TMEM132D: variants seen among roughly 807,000 people sequenced by gnomAD.
TMEM132D encodes mature OL transmembrane protein.
In TMEM132D, 21 loss-of-function variants were observed where a neutral mutation model predicts 62.3. The ratio of observed to expected loss-of-function variants is 0.34; its 90% CI spans 0.24 to 0.49. TMEM132D has a LOEUF of 0.49. Ranked by LOEUF, TMEM132D falls within the 20% of genes least tolerant of loss-of-function variation. The pLI, the probability that TMEM132D is intolerant of heterozygous loss-of-function variation, is 0.99. For synonymous variants in TMEM132D, 621 were observed against 575.6 expected (o/e 1.08, Z -1.13); for missense variants, 1,346 against 1,402.8 (o/e 0.96, Z 0.65).
intron 3 of TMEM132D, among the ~76,000 whole-genome samples, chr12:129,394,544 G>T (rs1167485394): frequency 6.6e-6 from 1 of 152,182 alleles, no homozygotes; most frequent in Non-Finnish European, 1.5e-5. Flanking sequence ...GTAGAATAAA[G>T]AACTCCCAAA....
intron 1 of TMEM132D, among the ~76,000 whole-genome samples, chr12:129,826,653 G>A (rs779173417): frequency 3.3e-5 from 5 of 152,220 alleles, no homozygotes; most frequent in Non-Finnish European, 7.3e-5. Context: ...CACAGCGGAA[G>A]GCTATTTACC....
chr12:129,083,154 T>A (rs1455288968), intron 6 of TMEM132D, among the ~76,000 whole-genome samples: 1 of 152,232 alleles, frequency 6.6e-6, no homozygotes, highest in Admixed American at 6.5e-5. Context: ...GGTGTGGCTC[T>A]GTAACCCAGC....
chr12:129,151,573 G>A (rs181474405), intron 5 of TMEM132D, among the ~76,000 whole-genome samples: 45 of 152,310 alleles, frequency 3.0e-4, no homozygotes, highest in African/African-American at 1.0e-3. Context: ...ATATGGTCAC[G>A]GCGCGTGTAA....
At chr12:129,138,329 T>C (rs890826053) in intron 5 of TMEM132D, among the ~76,000 whole-genome samples, 3 of 152,236 alleles carry the variant, frequency 2.0e-5, no homozygotes, top group Non-Finnish European at 4.4e-5. Flanking sequence ...ATGTATTGGC[T>C]AGATATGACC....
At chr12:129,337,525 G>C in intron 4 of TMEM132D, 109 bp downstream of exon 4, 1 of 1,352,476 alleles carries the variant, frequency 7.4e-7, no homozygotes, top group Non-Finnish European at 1.0e-6. Context: ...TCACTGTCCT[G>C]ATTCTTGGCT....
chr12:129,776,788 C>CAAAAAAA (rs148740560), intron 1 of TMEM132D, among the ~76,000 whole-genome samples: 2 of 68,448 alleles, frequency 2.9e-5, no homozygotes, highest in African/African-American at 4.3e-5. Flanking sequence ...TAATGGGCTT[C>CAAAAAAA]AAAAAAAAAA....
chr12:129,137,730 G>A (rs930579856), intron 5 of TMEM132D, among the ~76,000 whole-genome samples: 1 of 151,758 alleles, frequency 6.6e-6, no homozygotes, highest in African/African-American at 2.4e-5. Flanking sequence ...TCTGTGGCTG[G>A]AGGCATGATG....
chr12:129,253,389 T>A (rs1467322810), intron 4 of TMEM132D, among the ~76,000 whole-genome samples: 2 of 152,120 alleles, frequency 1.3e-5, no homozygotes, highest in Admixed American at 1.3e-4. Flanking sequence ...ACCCAAAGCC[T>A]GAGCACTATG....
At chr12:129,490,596 A>ATTTTTTTTTTTTTTTTTT (rs35535325) in intron 3 of TMEM132D, among the ~76,000 whole-genome samples, 14 of 71,110 alleles carry the variant, frequency 2.0e-4, no homozygotes, top group African/African-American at 6.5e-4. Flanking sequence ...CGCCCGGCTA[A>ATTTTTTTTTTTTTTTTTT]TTTTTTTTTT....
intron 4 of TMEM132D, among the ~76,000 whole-genome samples, chr12:129,228,026 C>T (rs912478456): frequency 2.6e-5 from 4 of 152,274 alleles, no homozygotes; most frequent in South Asian, 2.1e-4. Context: ...AGGACATCGA[C>T]GCTGTGTACA....
chr12:129,422,127 T>C (rs1318356495), intron 3 of TMEM132D, among the ~76,000 whole-genome samples: 2 of 151,934 alleles, frequency 1.3e-5, no homozygotes, highest in East Asian at 3.9e-4. Flanking sequence ...CTACTTTTCT[T>C]CTCATCTCCT....
intron 3 of TMEM132D, among the ~76,000 whole-genome samples, chr12:129,505,484 C>T (rs1875302489): frequency 6.6e-6 from 1 of 152,094 alleles, no homozygotes; most frequent in Non-Finnish European, 1.5e-5. Context: ...ACCTTGTGAT[C>T]CGCCCACCTC....
intron 2 of TMEM132D, among the ~76,000 whole-genome samples, chr12:129,625,824 T>C (rs1381110141): frequency 6.6e-6 from 1 of 152,236 alleles, no homozygotes; most frequent in Non-Finnish European, 1.5e-5. Context: ...ATTTAAATAA[T>C]GCCCACTCAG....
At position 129,425,406 on chromosome 12, in the gene TMEM132D, C is replaced by CTTTTT. The variant is rs5801854; in HGVS notation, c.1116-87594_1116-87590dup. On this transcript the variant is annotated intron_variant, in intron 3 of 8. Transcript: ENST00000422113. Reference sequence around the variant, plus strand: ...GCTCCTGTTTCCCCAGATGCTTGCACTTTTTTTTTTTTTCTAATCTCTGCT... The same window carrying CTTTTT: ...GCTCCTGTTTCCCCAGATGCTTGCACTTTTTTTTTTTTTTTTTTCTAATCTCTGCT... 8.8e-3 allele frequency among the ~76,000 whole-genome samples: 1,224 copies of CTTTTT among 138,988 alleles called. 31 individuals carry two copies. In the East Asian group the frequency reaches 0.094, roughly 11 times the overall value. The allele number at this position is 138,988 out of a possible 152,430, so 91.2% of individuals were successfully genotyped here.
chr12:129,202,816 G>A (rs1878743115), intron 5 of TMEM132D, among the ~76,000 whole-genome samples: 1 of 152,154 alleles, frequency 6.6e-6, no homozygotes, highest in Non-Finnish European at 1.5e-5. Flanking sequence ...TACACCTCCA[G>A]GGAAAACTTG....
intron 3 of TMEM132D, among the ~76,000 whole-genome samples, chr12:129,513,352 G>A (rs1875550286): frequency 6.6e-6 from 1 of 152,210 alleles, no homozygotes; most frequent in Admixed American, 6.5e-5. Flanking sequence ...CATTGATGAG[G>A]GATCTGCCCC....
intron 4 of TMEM132D, among the ~76,000 whole-genome samples, chr12:129,236,444 G>C (rs1879785015): frequency 6.7e-6 from 1 of 150,084 alleles, no homozygotes; most frequent in Admixed American, 6.6e-5. Flanking sequence ...GAACCTAGGA[G>C]GCGGAGGTTA....
At chr12:129,846,527 C>T (rs1171855068) in intron 1 of TMEM132D, among the ~76,000 whole-genome samples, 4 of 152,234 alleles carry the variant, frequency 2.6e-5, no homozygotes, top group East Asian at 3.9e-4. Context: ...CTTTCTTTTA[C>T]GTTAATTGTC....
At position 129,102,616 on chromosome 12, in the gene TMEM132D, A is replaced by G. The variant is rs77650303; in HGVS notation, c.1444-17914T>C. Reference sequence around the variant, plus strand: ...AACTGGAAACCTCAAAAAAATCTCTAAATGGACTGATGTTTCTTCTGCTAC... The same window carrying G: ...AACTGGAAACCTCAAAAAAATCTCTGAATGGACTGATGTTTCTTCTGCTAC... On this transcript the variant is annotated intron_variant, in intron 5 of 8. Transcript: ENST00000422113. Among the ~76,000 whole-genome samples the G allele has an allele frequency of 8.3e-3, 1,271 of 152,330 alleles. 23 individuals are homozygous for G. Among genetic ancestry groups the G allele is most frequent in the African/African-American group, 0.029 (1,223 of 41,578 alleles).
Sources: gnomAD v4.1 joint callset for allele counts (sites outside exome capture counted in the v4.1 genomes callset) on GRCh38, gnomAD v4.1.1 for gene constraint, MANE v1.5 for transcripts, NCBI Gene and HGNC (gene_info 2026-07-23, HGNC 2026-07-21) for gene names.